The following SYT1 variants were observed in gnomAD, a reference collection of about 807,000 sequenced individuals.
The protein encoded by SYT1 is synaptotagmin 1, also known as synaptotagmin-1.
A neutral mutation model predicts 44.8 loss-of-function variants in SYT1; 8 were observed. The ratio of observed to expected loss-of-function variants is 0.18; its 90% CI spans 0.10 to 0.32. The LOEUF (loss-of-function observed/expected upper bound fraction) is 0.32. SYT1 is among the 10% of genes least tolerant of loss of function. SYT1 has a pLI of 1.00. For synonymous variants in SYT1, 154 were observed against 188.8 expected (o/e 0.82, Z 1.51); for missense variants, 286 against 509.3 (o/e 0.56, Z 4.22).
At chr12:79,148,026 G>T (rs1565827032) in intron 3 of SYT1, among the ~76,000 whole-genome samples, 1 of 151,488 alleles carries the variant, frequency 6.6e-6, no homozygotes, top group Non-Finnish European at 1.5e-5. Flanking sequence ...AAACATTAAT[G>T]AAAAAAAAGA....
chr12:78,959,112 G>T (rs1352159137), intron 1 of SYT1, among the ~76,000 whole-genome samples: 1 of 151,984 alleles, frequency 6.6e-6, no homozygotes, highest in Non-Finnish European at 1.5e-5. Context: ...GATAACTTCT[G>T]GAAATTTGAG....
intron 2 of SYT1, among the ~76,000 whole-genome samples, chr12:78,991,880 G>A (rs1223683373): frequency 6.6e-6 from 1 of 152,148 alleles, no homozygotes; most frequent in East Asian, 1.9e-4. Context: ...GTGAATTACT[G>A]TTTGAAAAAA....
chr12:79,176,820 A>G (rs932246448), intron 3 of SYT1, among the ~76,000 whole-genome samples: 1 of 151,932 alleles, frequency 6.6e-6, no homozygotes, highest in African/African-American at 2.4e-5. Context: ...AACCCTGTAA[A>G]CCTTAGGGTT....
intron 4 of SYT1, among the ~76,000 whole-genome samples, chr12:79,240,555 GA>G (rs1275100551): frequency 1.3e-5 from 2 of 152,288 alleles, no homozygotes; most frequent in African/African-American, 2.4e-5. Context: ...ATATTTTGGT[GA>G]TGGTGATCAG....
intron 3 of SYT1, among the ~76,000 whole-genome samples, chr12:79,112,676 T>G (rs972682433): frequency 6.6e-6 from 1 of 152,162 alleles, no homozygotes; most frequent in Non-Finnish European, 1.5e-5. Flanking sequence ...AATAAACATA[T>G]TCTTTTAGTT....
intron 1 of SYT1, among the ~76,000 whole-genome samples, chr12:78,876,674 T>C (rs559995193): frequency 1.3e-4 from 17 of 126,064 alleles, no homozygotes; most frequent in East Asian, 6.6e-4. Context: ...CATGTGTACA[T>C]GTGTGTATAT....
intron 9 of SYT1, among the ~76,000 whole-genome samples, chr12:79,363,125 A>G (rs1883383414): frequency 6.6e-6 from 1 of 152,084 alleles, no homozygotes; most frequent in African/African-American, 2.4e-5. Context: ...TTCATTCAGT[A>G]TACAGAAAAA....
intron 2 of SYT1, among the ~76,000 whole-genome samples, chr12:79,033,743 G>T (rs1872960818): frequency 6.6e-6 from 1 of 151,114 alleles, no homozygotes. Flanking sequence ...TTACTTCTAG[G>T]GCTTTTAGAA....
At chr12:79,120,948 TATATAG>T (rs1879564031) in intron 3 of SYT1, among the ~76,000 whole-genome samples, 1 of 146,524 alleles carries the variant, frequency 6.8e-6, no homozygotes, top group Admixed American at 6.8e-5. Context: ...TCTATATATA[TATATAG>T]ATATATATAC....
chr12:79,010,389 A>G (rs963487612), intron 2 of SYT1, among the ~76,000 whole-genome samples: 2 of 152,122 alleles, frequency 1.3e-5, no homozygotes, highest in African/African-American at 4.8e-5. Flanking sequence ...CTTCATTCTG[A>G]ACAAATTCTC....
intron 8 of SYT1, among the ~76,000 whole-genome samples, chr12:79,322,865 C>A (rs904264014): frequency 6.6e-6 from 1 of 152,118 alleles, no homozygotes; most frequent in Non-Finnish European, 1.5e-5. Flanking sequence ...AAAAAGTAAA[C>A]CCAGTAAGAC....
chr12:79,277,924 A>G (rs1878826072), intron 4 of SYT1, among the ~76,000 whole-genome samples: 1 of 152,068 alleles, frequency 6.6e-6, no homozygotes, highest in Non-Finnish European at 1.5e-5. Context: ...AAAGAAGGTC[A>G]TTATATAATG....
rs57706449 is a variant in SYT1 at position 79,117,662 on chromosome 12, C to CATATAT, written c.-18+70348_-18+70353dup. ...GTGTGTGTGTGTGTGTGTATTACAT[C>CATATAT]ATATATATATATATATATATATATA... On this transcript the variant is annotated intron_variant, in intron 3 of 10. Transcript: ENST00000261205. Among the ~76,000 whole-genome samples, 246 of 39,152 alleles carry CATATAT rather than the reference C, an allele frequency of 6.3e-3. 3 individuals carry two copies. Among genetic ancestry groups the CATATAT allele is most frequent in the Non-Finnish European group, 8.6e-3 (176 of 20,488 alleles). 25.7% of individuals were successfully genotyped at this position (39,152 alleles called of 152,430 possible).
chr12:79,039,161 C>T (rs7294674), intron 2 of SYT1, among the ~76,000 whole-genome samples: 30,685 of 151,750 alleles, frequency 0.2, 3,475 homozygotes, highest in East Asian at 0.3. Flanking sequence ...GTCGAAGCAA[C>T]AATAATCCCT....
intron 3 of SYT1, among the ~76,000 whole-genome samples, chr12:79,084,839 T>G (rs984661176): frequency 6.6e-5 from 10 of 152,120 alleles, no homozygotes; most frequent in African/African-American, 2.4e-4. Flanking sequence ...ATCAGATGTA[T>G]AAAGAAAATA....
rs376161265 is a variant in SYT1, at chr12:78,966,210, A to G, written c.-216-11589A>G. Among the ~76,000 whole-genome samples, 47 of 152,242 alleles carry G rather than the reference A, an allele frequency of 3.1e-4. No homozygotes were observed. In the South Asian group the frequency reaches 7.9e-3, roughly 25 times the overall value. ...GGGAAGGGACCAACATTTGCTGAACATTAAACATTTACATTTATTTGTAAT... is the reference window on the plus strand; with the variant it reads ...GGGAAGGGACCAACATTTGCTGAACGTTAAACATTTACATTTATTTGTAAT... On this transcript the variant is annotated intron_variant, in intron 1 of 10. Transcript: ENST00000261205.
At chr12:78,976,944 A>G (rs549367677) in intron 1 of SYT1, among the ~76,000 whole-genome samples, 35 of 152,256 alleles carry the variant, frequency 2.3e-4, no homozygotes, top group South Asian at 4.1e-4. Flanking sequence ...GAGTTTCTAT[A>G]TTCTAAAATT....
intron 2 of SYT1, among the ~76,000 whole-genome samples, chr12:78,991,551 GAA>G (rs1870021274): frequency 1.3e-5 from 2 of 152,176 alleles, no homozygotes; most frequent in South Asian, 4.1e-4. Flanking sequence ...GTAATTAAGA[GAA>G]GAGAAGAATT....
chr12:79,086,539 G>C (rs1463227547), intron 3 of SYT1, among the ~76,000 whole-genome samples: 1 of 152,134 alleles, frequency 6.6e-6, no homozygotes, highest in African/African-American at 2.4e-5. Flanking sequence ...ACATTTTAGT[G>C]GTTGAATCAT....
Sources: allele counts gnomAD v4.1 joint callset (sites outside exome capture counted in the v4.1 genomes callset), GRCh38; gene constraint gnomAD v4.1.1; transcripts MANE v1.5; gene names NCBI Gene and HGNC (gene_info 2026-07-23, HGNC 2026-07-21).